The following COL24A1 variants were observed in gnomAD, a reference collection of about 807,000 sequenced individuals.
COL24A1 encodes collagen type XXIV alpha 1 chain.
A neutral mutation model predicts 253.9 loss-of-function variants in COL24A1; 224 were observed. The observed-to-expected ratio is 0.88, with a 90% CI of 0.79 to 0.99. The LOEUF (loss-of-function observed/expected upper bound fraction) is 0.99. COL24A1 is among the 50% of genes least tolerant of loss of function. The probability of loss-of-function intolerance (pLI) is 0.00; values close to 1 mark genes in which losing one functional copy is unlikely to be tolerated. For missense variants in COL24A1, 2,131 were observed against 2,068.5 expected (o/e 1.03, Z -0.59); for synonymous variants, 685 against 673.7 (o/e 1.02, Z -0.26).
At chr1:85,872,741 GA>G (rs1023646945) in intron 35 of COL24A1, among the ~76,000 whole-genome samples, 3 of 152,142 alleles carry the variant, frequency 2.0e-5, no homozygotes, top group Non-Finnish European at 4.4e-5. Flanking sequence ...AACCCTAGAA[GA>G]AAACCTAGGC....
rs1352838063 is a variant in COL24A1, at chr1:85,842,136, G to A, written c.3517-15C>T. 1.2e-6 allele frequency: 2 copies of A among 1,611,982 alleles called. No individual in the cohort carries two copies. Among genetic ancestry groups the A allele is most frequent in the South Asian group, 1.1e-5 (1 of 91,026 alleles). Reference sequence around the variant, plus strand: ...CCCTGATGGCCCTACGAAAGGACAAGTAGACATTTATACATGCTCTACCTA... The same window carrying A: ...CCCTGATGGCCCTACGAAAGGACAAATAGACATTTATACATGCTCTACCTA... On this transcript the variant is annotated splice_polypyrimidine_tract_variant and intron_variant, in intron 40 of 59. Transcript: ENST00000370571.
rs564637352 is a variant in COL24A1, at chr1:85,847,606, TG to T, written c.3462+58del. Reference sequence around the variant, plus strand: ...ATCAAGGGATGAAACTTTAAGGGCATGGATACGTTTCTTTCCCATCCACAGT... The same window carrying T: ...ATCAAGGGATGAAACTTTAAGGGCATGATACGTTTCTTTCCCATCCACAGT... On this transcript the variant is annotated intron_variant, in intron 39 of 59. Coordinates refer to ENST00000370571, the MANE Select transcript of COL24A1 (RefSeq NM_152890.7). 967 of 1,211,234 alleles carry T rather than the reference TG, an allele frequency of 8.0e-4. 13 individuals carry two copies. In the South Asian group the frequency reaches 0.012, roughly 15 times the overall value. The allele number at this position is 1,211,234 out of a possible 1,614,324, so 75.0% of individuals were successfully genotyped here.
At chr1:86,055,377 AC>A (rs1700594407) in intron 10 of COL24A1, among the ~76,000 whole-genome samples, 2 of 152,300 alleles carry the variant, frequency 1.3e-5, no homozygotes, top group Admixed American at 1.3e-4. Context: ...GTGAAACCTA[AC>A]TAAAGTGTGA....
intron 2 of COL24A1, among the ~76,000 whole-genome samples, chr1:86,133,477 G>C (rs1352899655): frequency 6.6e-6 from 1 of 152,152 alleles, no homozygotes; most frequent in African/African-American, 2.4e-5. Flanking sequence ...GTAGATATTG[G>C]CTGTGGGTTT....
chr1:86,131,738 C>T (rs1258070093), intron 2 of COL24A1, among the ~76,000 whole-genome samples: 1 of 152,052 alleles, frequency 6.6e-6, no homozygotes, highest in African/African-American at 2.4e-5. Flanking sequence ...ATGTGTGCTA[C>T]ATTTTCTTAA....
chr1:86,019,477 G>T (rs1354135820), intron 18 of COL24A1, among the ~76,000 whole-genome samples: 1 of 151,748 alleles, frequency 6.6e-6, no homozygotes, highest in African/African-American at 2.4e-5. Flanking sequence ...AGGACCACTT[G>T]ACCCCAAGAG....
At chr1:86,004,410 C>T (rs1183575317) in intron 19 of COL24A1, among the ~76,000 whole-genome samples, 1 of 152,130 alleles carries the variant, frequency 6.6e-6, no homozygotes, top group Non-Finnish European at 1.5e-5. Context: ...GGAGTAGGCC[C>T]ATGATGTAAT....
chr1:86,075,886 A>C (rs1011215796), intron 7 of COL24A1, among the ~76,000 whole-genome samples: 1 of 152,208 alleles, frequency 6.6e-6, no homozygotes, highest in Non-Finnish European at 1.5e-5. Context: ...TATTGATGGA[A>C]TGTATCTCAA....
intron 43 of COL24A1, among the ~76,000 whole-genome samples, chr1:85,825,208 A>C (rs2102009920): frequency 6.6e-6 from 1 of 151,940 alleles, no homozygotes; most frequent in Non-Finnish European, 1.5e-5. Flanking sequence ...CTGACTGAGA[A>C]TGATGATTTC....
intron 12 of COL24A1, among the ~76,000 whole-genome samples, chr1:86,034,435 G>A (rs1300122268): frequency 6.6e-6 from 1 of 152,102 alleles, no homozygotes; most frequent in Non-Finnish European, 1.5e-5. Flanking sequence ...TTGTTGTTGA[G>A]GAAGTTAAAG....
chr1:85,917,464 G>A (rs1012754466), intron 24 of COL24A1, among the ~76,000 whole-genome samples: 3 of 151,792 alleles, frequency 2.0e-5, no homozygotes, highest in Non-Finnish European at 4.4e-5. Context: ...TTCCCATTAA[G>A]ATTTCCTAAA....
chr1:86,023,073 G>T, intron 14 of COL24A1, 66 bp from the exon 15 acceptor site: 1 of 1,481,648 alleles, frequency 6.7e-7, no homozygotes, highest in Non-Finnish European at 9.3e-7. Context: ...AAATGTGGCA[G>T]AATTAATAAA....
At chr1:85,874,748 C>T in intron 34 of COL24A1, 46 bp from the exon 35 acceptor site, 9 of 1,596,408 alleles carry the variant, frequency 5.6e-6, no homozygotes, top group Non-Finnish European at 7.7e-6. Context: ...ACTAAGACTG[C>T]ATGGCTAATT....
At chr1:85,745,986 A>G (rs1320881240) in intron 55 of COL24A1, among the ~76,000 whole-genome samples, 2 of 152,190 alleles carry the variant, frequency 1.3e-5, no homozygotes, top group Non-Finnish European at 2.9e-5. Context: ...TAATTTCTGA[A>G]GTTGGAAAAT....
intron 4 of COL24A1, 151 bp from the exon 5 acceptor site, chr1:86,112,771 A>T: frequency 1.8e-6 from 1 of 567,524 alleles, no homozygotes. Context: ...TACTTACTTC[A>T]GCTTATGCCC....
chr1:86,046,948 A>G, intron 11 of COL24A1, 79 bp from the exon 12 acceptor site: 1 of 845,184 alleles, frequency 1.2e-6, no homozygotes, highest in Non-Finnish European at 2.0e-6. Flanking sequence ...CCCAATATAA[A>G]GCAATAAAGT....
intron 43 of COL24A1, among the ~76,000 whole-genome samples, chr1:85,833,524 T>C (rs1675607808): frequency 6.6e-6 from 1 of 152,152 alleles, no homozygotes; most frequent in Non-Finnish European, 1.5e-5. Flanking sequence ...GGTGGGACTG[T>C]AAACTAGTTC....
intron 24 of COL24A1, among the ~76,000 whole-genome samples, chr1:85,930,163 T>A (rs1047716112): frequency 2.4e-4 from 14 of 57,836 alleles, no homozygotes; most frequent in African/African-American, 8.7e-4. Context: ...TTTGAAAGGA[T>A]CAACAAAATT....
chr1:86,098,380 G>A (rs1003569128), intron 5 of COL24A1, among the ~76,000 whole-genome samples: 3 of 145,600 alleles, frequency 2.1e-5, no homozygotes, highest in Non-Finnish European at 3.0e-5. Flanking sequence ...AGGAAGAAAA[G>A]AAAGGAGCTT....
Sources: allele counts gnomAD v4.1 joint callset (sites outside exome capture counted in the v4.1 genomes callset), GRCh38; gene constraint gnomAD v4.1.1; transcripts MANE v1.5; gene names NCBI Gene and HGNC (gene_info 2026-07-23, HGNC 2026-07-21).